RBFOX1: variants seen among roughly 807,000 people sequenced by gnomAD.
RBFOX1 encodes RNA binding protein fox-1 homolog 1.
In RBFOX1, 8 loss-of-function variants were observed where a neutral mutation model predicts 57.7. The observed-to-expected ratio is 0.14, with a 90% CI of 0.08 to 0.25. The LOEUF is 0.25. Ranked by LOEUF, RBFOX1 falls within the 10% of genes least tolerant of loss-of-function variation. The pLI is 1.00. For missense variants in RBFOX1, 611 were observed against 548.5 expected, an observed-to-expected ratio of 1.11 and a Z score of -1.14; for synonymous variants, 326 against 222.4, an observed-to-expected ratio of 1.47 and a Z score of -4.15.
chr16:7,636,001 C>G (rs145255990), intron 11 of RBFOX1, among the ~76,000 whole-genome samples: 3,828 of 152,102 alleles, frequency 0.025, 177 homozygotes, highest in African/African-American at 0.088. Context: ...TTAGTAGAGA[C>G]GGAGTTTCAC....
intron 3 of RBFOX1, among the ~76,000 whole-genome samples, chr16:7,029,554 C>G (rs2042261878): frequency 1.3e-5 from 2 of 151,982 alleles, no homozygotes; most frequent in African/African-American, 4.8e-5. Flanking sequence ...TTTACCTGGA[C>G]TAATATCTCC....
At chr16:6,718,257 G>A (rs1301957609) in intron 3 of RBFOX1, among the ~76,000 whole-genome samples, 1 of 152,174 alleles carries the variant, frequency 6.6e-6, no homozygotes, top group Non-Finnish European at 1.5e-5. Context: ...TGGTAGGTAT[G>A]TTGGCACTAT....
At chr16:5,900,691 C>G (rs1049086079) in intron 4 of RBFOX1, among the ~76,000 whole-genome samples, 2 of 152,252 alleles carry the variant, frequency 1.3e-5, no homozygotes, top group Non-Finnish European at 2.9e-5. Context: ...AGCTCTCCAG[C>G]AAGTCATGCG....
At chr16:6,457,858 T>C (rs1014590877) in intron 2 of RBFOX1, among the ~76,000 whole-genome samples, 4 of 152,156 alleles carry the variant, frequency 2.6e-5, no homozygotes, top group Non-Finnish European at 4.4e-5. Context: ...AAAAAGTGGC[T>C]ATTAGTTTCT....
At chr16:7,523,765 C>T (rs2078033740) in intron 5 of RBFOX1, among the ~76,000 whole-genome samples, 3 of 152,192 alleles carry the variant, frequency 2.0e-5, no homozygotes, top group Admixed American at 2.0e-4. Context: ...CAAACAATTA[C>T]ATCTGTATAC....
chr16:5,966,775 A>T (rs921809197), intron 4 of RBFOX1, among the ~76,000 whole-genome samples: 3 of 151,720 alleles, frequency 2.0e-5, no homozygotes, highest in African/African-American at 7.3e-5. Context: ...ACCAGCCCCC[A>T]CCCTTGGCGA....
chr16:5,599,528 G>A (rs77928270), exon 3 of RBFOX1: 10 of 373,886 alleles, frequency 2.7e-5, no homozygotes, highest in South Asian at 1.7e-4. Context: ...CTCATGCACC[G>A]CCTCTCGGCA....
At chr16:5,532,761 C>T (rs1198948387) in intron 2 of RBFOX1, among the ~76,000 whole-genome samples, 1 of 152,172 alleles carries the variant, frequency 6.6e-6, no homozygotes, top group Non-Finnish European at 1.5e-5. Context: ...TTCACTCATC[C>T]AGGTCCTCCT....
At chr16:7,513,087 C>T (rs550598665) in intron 4 of RBFOX1, among the ~76,000 whole-genome samples, 11 of 151,594 alleles carry the variant, frequency 7.3e-5, no homozygotes, top group South Asian at 2.1e-4. Flanking sequence ...AACAGTAAAA[C>T]GCCGTCTCTA....
At chr16:6,953,411 G>A (rs761087523) in intron 3 of RBFOX1, among the ~76,000 whole-genome samples, 2 of 151,806 alleles carry the variant, frequency 1.3e-5, no homozygotes, top group South Asian at 4.2e-4. Context: ...TTTTGAGATA[G>A]AGTCTTGCTT....
chr16:6,550,394 C>A (rs1390369784), intron 2 of RBFOX1, among the ~76,000 whole-genome samples: 1 of 152,180 alleles, frequency 6.6e-6, no homozygotes, highest in African/African-American at 2.4e-5. Flanking sequence ...CCAGGCTGGT[C>A]TCCAGTTCAT....
At chr16:6,376,666 T>A (rs2091215620) in intron 2 of RBFOX1, among the ~76,000 whole-genome samples, 1 of 152,190 alleles carries the variant, frequency 6.6e-6, no homozygotes, top group South Asian at 2.1e-4. Flanking sequence ...GCCCAACTAA[T>A]GGTTTCATGA....
intron 1 of RBFOX1, among the ~76,000 whole-genome samples, chr16:6,160,919 G>A (rs1236199278): frequency 6.6e-6 from 1 of 152,126 alleles, no homozygotes; most frequent in Non-Finnish European, 1.5e-5. Flanking sequence ...ACACGATCCT[G>A]CTTTATCATA....
chr16:5,627,150 C>T (rs2048371030), intron 3 of RBFOX1, among the ~76,000 whole-genome samples: 1 of 152,124 alleles, frequency 6.6e-6, no homozygotes, highest in Non-Finnish European at 1.5e-5. Context: ...AAAAATCCAC[C>T]ATTAGAAATT....
intron 3 of RBFOX1, among the ~76,000 whole-genome samples, chr16:6,852,282 C>T (rs1210155083): frequency 7.9e-5 from 12 of 152,230 alleles, no homozygotes; most frequent in South Asian, 2.1e-4. Flanking sequence ...GTCTTCCGTT[C>T]TGTGTGTGCC....
intron 3 of RBFOX1, among the ~76,000 whole-genome samples, chr16:6,888,842 A>G (rs1211114377): frequency 1.3e-5 from 2 of 152,130 alleles, no homozygotes; most frequent in East Asian, 3.9e-4. Context: ...CTATATTTTT[A>G]TGTCCTTTAT....
chr16:5,805,520 C>A (rs1409501759), intron 3 of RBFOX1, among the ~76,000 whole-genome samples: 1 of 152,104 alleles, frequency 6.6e-6, no homozygotes, highest in Non-Finnish European at 1.5e-5. Context: ...GTGGCCCTGC[C>A]AGAAACAGAA....
chr16:7,535,285 C>T (rs902284436), intron 5 of RBFOX1, among the ~76,000 whole-genome samples: 12 of 152,154 alleles, frequency 7.9e-5, no homozygotes, highest in African/African-American at 2.9e-4. Context: ...CTTACGGGCC[C>T]TTTCTGTAGC....
chr16:7,145,195 G>A (rs772817913), intron 4 of RBFOX1, among the ~76,000 whole-genome samples: 19 of 151,724 alleles, frequency 1.3e-4, no homozygotes, highest in Admixed American at 2.0e-4. Context: ...TTTTTGTTTC[G>A]TTTTGTTTTG....
Sources: allele counts gnomAD v4.1 joint callset (sites outside exome capture counted in the v4.1 genomes callset), GRCh38; gene constraint gnomAD v4.1.1; transcripts MANE v1.5; gene names NCBI Gene and HGNC (gene_info 2026-07-23, HGNC 2026-07-21).